RSPH14: variants seen among roughly 807,000 people sequenced by gnomAD.
RSPH14 encodes radial spoke head 14 homolog, also known as rhabdoid tumor deletion region gene 1.
RSPH14 carries 20 observed loss-of-function variants against 26.7 expected under a neutral mutation model. The ratio of observed to expected loss-of-function variants is 0.75; its 90% CI spans 0.53 to 1.09. The LOEUF (loss-of-function observed/expected upper bound fraction) is 1.09. Ranked by LOEUF, RSPH14 falls within the 50% of genes least tolerant of loss-of-function variation. The probability of loss-of-function intolerance (pLI) is 0.00; values close to 1 mark genes in which losing one functional copy is unlikely to be tolerated. For synonymous variants in RSPH14, 177 were observed against 189.3 expected (o/e 0.93, Z 0.53); for missense variants, 449 against 457.2 (o/e 0.98, Z 0.16).
intron 4 of RSPH14, among the ~76,000 whole-genome samples, chr22:23,114,376 G>A (rs2069755796): frequency 6.6e-6 from 1 of 152,180 alleles, no homozygotes; most frequent in Non-Finnish European, 1.5e-5. Flanking sequence ...GCCCAGGGTG[G>A]GACAGACCGG....
upstream of RSPH14, chr22:23,145,269 A>ACCCC: frequency 1.8e-6 from 1 of 544,498 alleles, no homozygotes; most frequent in Non-Finnish European, 2.9e-6. Flanking sequence ...CCCATCCAGC[A>ACCCC]CCGCCCTTGT....
the RSPH14 span, chr22:23,180,719 C>T: frequency 4.0e-5 from 6 of 149,460 alleles, no homozygotes; most frequent in African/African-American, 1.5e-4. Flanking sequence ...CGGAGGAGCC[C>T]CGCACACAAT....
At chr22:23,180,586 G>GGCA in the RSPH14 span, 467 of 36,718 alleles carry the variant, frequency 0.013, 5 homozygotes, top group African/African-American at 0.27. Context: ...CGGCGGCGGC[G>GGCA]GCGGCACGGC....
the RSPH14 span, among the ~76,000 whole-genome samples, chr22:23,175,109 G>T: frequency 6.7e-6 from 1 of 150,294 alleles, no homozygotes; most frequent in Admixed American, 6.6e-5. Context: ...CCATTCTCCT[G>T]CCTCAGCCTC....
chr22:23,121,510 C>A (rs1230312078), intron 4 of RSPH14, among the ~76,000 whole-genome samples: 1 of 152,180 alleles, frequency 6.6e-6, no homozygotes, highest in Non-Finnish European at 1.5e-5. Flanking sequence ...ACATATCCTG[C>A]CTCTCTGTGC....
intron 4 of RSPH14, among the ~76,000 whole-genome samples, chr22:23,094,840 G>A (rs1038106626): frequency 3.9e-5 from 6 of 152,374 alleles, no homozygotes; most frequent in Middle Eastern, 3.4e-3. Context: ...GGGCTGGGCC[G>A]AGGCCTGGCC....
chr22:23,135,199 C>T (rs1490496514), intron 3 of RSPH14, among the ~76,000 whole-genome samples: 8 of 151,580 alleles, frequency 5.3e-5, no homozygotes, highest in South Asian at 4.2e-4. Context: ...CTAGGCCAGG[C>T]GCGGTGGCTC....
At chr22:23,133,996 G>A (rs369825129) in intron 4 of RSPH14, 30 bp downstream of exon 4, 70 of 1,550,512 alleles carry the variant, frequency 4.5e-5, no homozygotes, top group African/African-American at 1.4e-4. Flanking sequence ...TTGAGTGCCC[G>A]ACAGATCTGT....
At chr22:23,148,617 C>T (rs142788368), upstream of RSPH14, among the ~76,000 whole-genome samples, 1,196 of 152,330 alleles carry the variant, frequency 7.9e-3, 7 homozygotes, top group Non-Finnish European at 0.012. Flanking sequence ...TCAAGTTCAT[C>T]CTGCACCCCA....
At chr22:23,084,409 G>C (rs1193684152) in intron 4 of RSPH14, among the ~76,000 whole-genome samples, 1 of 152,178 alleles carries the variant, frequency 6.6e-6, no homozygotes, top group Non-Finnish European at 1.5e-5. Flanking sequence ...AGGTAGGCTA[G>C]GCTAAGCTGT....
chr22:23,133,572 A>T (rs2070404471), intron 4 of RSPH14, among the ~76,000 whole-genome samples: 2 of 152,056 alleles, frequency 1.3e-5, no homozygotes, highest in Non-Finnish European at 2.9e-5. Flanking sequence ...CGTTTAGGAT[A>T]TGCGCTTTTC....
intron 4 of RSPH14, among the ~76,000 whole-genome samples, chr22:23,093,036 C>T (rs1026337872): frequency 8.5e-5 from 13 of 152,196 alleles, no homozygotes; most frequent in African/African-American, 3.1e-4. Context: ...GCTGTCAGGT[C>T]GTCAGCAGGG....
chr22:23,170,699 C>T, the RSPH14 span, among the ~76,000 whole-genome samples: 2 of 152,022 alleles, frequency 1.3e-5, no homozygotes, highest in Non-Finnish European at 2.9e-5. Context: ...TGCCACTGCA[C>T]TCCAGCCTGG....
At chr22:23,106,585 A>AGT (rs2069484603) in intron 4 of RSPH14, among the ~76,000 whole-genome samples, 1 of 152,088 alleles carries the variant, frequency 6.6e-6, no homozygotes, top group Admixed American at 6.5e-5. Context: ...TCCCCTGGCT[A>AGT]GTGAGGAGGT....
At chr22:23,161,121 A>T in the RSPH14 span, 6 of 1,256,756 alleles carry the variant, frequency 4.8e-6, no homozygotes, top group Non-Finnish European at 6.5e-6. Context: ...CTGTCCTTTG[A>T]CCCTCCTCTC....
At chr22:23,130,541 G>GAAAGAAAGAAAGAAAGA (rs2070341584) in intron 4 of RSPH14, among the ~76,000 whole-genome samples, 1 of 94,140 alleles carries the variant, frequency 1.1e-5, no homozygotes, top group East Asian at 3.4e-4. Context: ...AGAGAAAGAA[G>GAAAGAAAGAAAGAAAGA]GAAAGAAGGA....
intron 4 of RSPH14, among the ~76,000 whole-genome samples, chr22:23,116,628 T>C (rs1365609064): frequency 6.6e-6 from 1 of 152,134 alleles, no homozygotes; most frequent in Non-Finnish European, 1.5e-5. Flanking sequence ...TACTCAGCAC[T>C]GTGGATGTCT....
chr22:23,113,025 T>A (rs1455272773), intron 4 of RSPH14, among the ~76,000 whole-genome samples: 1 of 152,182 alleles, frequency 6.6e-6, no homozygotes, highest in Non-Finnish European at 1.5e-5. Context: ...GGGGACCTGC[T>A]CTGAGCATAG....
intron 4 of RSPH14, among the ~76,000 whole-genome samples, chr22:23,127,472 G>A (rs1171242002): frequency 6.6e-6 from 1 of 152,228 alleles, no homozygotes; most frequent in Non-Finnish European, 1.5e-5. Context: ...CTCCTCTAGG[G>A]CAGCTGGCCT....
Sources: gnomAD v4.1 joint callset for allele counts (sites outside exome capture counted in the v4.1 genomes callset) on GRCh38, gnomAD v4.1.1 for gene constraint, MANE v1.5 for transcripts, NCBI Gene and HGNC (gene_info 2026-07-23, HGNC 2026-07-21) for gene names.